MMRN1: variants seen among roughly 807,000 people sequenced by gnomAD.
MMRN1 encodes the protein multimerin-1.
MMRN1 carries 94 observed loss-of-function variants against 100.7 expected under a neutral mutation model. That is an observed-to-expected ratio of 0.93 (90% CI 0.79 to 1.11). MMRN1 has a LOEUF of 1.11. Ranked by LOEUF, MMRN1 falls within the 50% of genes least tolerant of loss-of-function variation. The pLI is 0.00. For synonymous variants in MMRN1, 575 were observed against 505.0 expected (o/e 1.14, Z -1.86); for missense variants, 1,606 against 1,439.1 (o/e 1.12, Z -1.88).
Position 89,935,894 on chromosome 4 carries a change from T to A in MMRN1, c.2214T>A (p.Ala738=), listed in dbSNP as rs1722613291. 1 of 1,609,270 alleles carries A rather than the reference T, an allele frequency of 6.2e-7. No homozygotes were observed. Among genetic ancestry groups the A allele is most frequent in the Admixed American group, 1.7e-5 (1 of 59,424 alleles). The change falls in exon 6 of 8, where the codon GCT becomes GCA. Residue 738 remains alanine, a synonymous_variant. Coordinates refer to ENST00000264790, the MANE Select transcript of MMRN1 (RefSeq NM_007351.3). ...AGACAATGACTATTATAAATAATGC[T>A]ATTGATTTCATTCAAGATAACTATG... ...LNKTMTIINN[A]IDFIQDNYAL...
At chr4:89,919,485 G>A (rs774357749) in intron 3 of MMRN1, among the ~76,000 whole-genome samples, 4 of 151,424 alleles carry the variant, frequency 2.6e-5, no homozygotes, top group East Asian at 1.9e-4. Context: ...TGAATCCAAC[G>A]TTTACCTAGC....
At chr4:89,952,710 T>C (rs1723218352) in intron 7 of MMRN1, among the ~76,000 whole-genome samples, 1 of 152,152 alleles carries the variant, frequency 6.6e-6, no homozygotes, top group Non-Finnish European at 1.5e-5. Flanking sequence ...CAAAGCAACA[T>C]GCAAATTATC....
intron 1 of MMRN1, among the ~76,000 whole-genome samples, chr4:89,906,014 G>A (rs909617799): frequency 3.3e-5 from 5 of 151,176 alleles, no homozygotes; most frequent in African/African-American, 1.2e-4. Flanking sequence ...TTATTTCTTG[G>A]GAAAATATTC....
At chr4:89,927,749 T>C (rs1227699852) in intron 4 of MMRN1, 46 bp from the exon 5 acceptor site, 2 of 1,561,446 alleles carry the variant, frequency 1.3e-6, no homozygotes, top group Non-Finnish European at 1.7e-6. Context: ...CAACTATGGG[T>C]CAAAATATAT....
chr4:89,905,848 C>G (rs986478320), intron 1 of MMRN1, among the ~76,000 whole-genome samples: 2 of 151,440 alleles, frequency 1.3e-5, no homozygotes, highest in Non-Finnish European at 3.0e-5. Context: ...ATCCTCAGGA[C>G]TTGGTATTTT....
intron 1 of MMRN1, among the ~76,000 whole-genome samples, chr4:89,885,804 G>T (rs1465878186): frequency 3.3e-5 from 5 of 151,774 alleles, no homozygotes; most frequent in Admixed American, 2.0e-4. Flanking sequence ...CTTGCTAACG[G>T]TCAATTAATC....
Position 89,934,021 on chromosome 4 carries a change from T to C in MMRN1, c.1130-789T>C, listed in dbSNP as rs555707181. Among the ~76,000 whole-genome samples, 9 of 152,220 alleles carry C rather than the reference T, an allele frequency of 5.9e-5. 1 individual carries two copies. The South Asian group carries it at 1.7e-3, about 28-fold the overall frequency. Reference sequence around the variant, plus strand: ...TGAATAGTCCAGTACACTTTTCCTGTTCCTTTTTTTCATGCTACATTTAGA... The same window carrying C: ...TGAATAGTCCAGTACACTTTTCCTGCTCCTTTTTTTCATGCTACATTTAGA... On this transcript the variant is annotated intron_variant, in intron 5 of 7. Transcript: ENST00000264790.
chr4:89,893,533 TAATAATC>T (rs1721102539), upstream of MMRN1, among the ~76,000 whole-genome samples: 4 of 152,178 alleles, frequency 2.6e-5, no homozygotes, highest in South Asian at 4.1e-4. Context: ...AGACGGAACT[TAATAATC>T]TAATAACAAA....
intron 4 of MMRN1, among the ~76,000 whole-genome samples, chr4:89,924,672 G>A (rs1027017471): frequency 3.3e-5 from 5 of 151,646 alleles, no homozygotes; most frequent in African/African-American, 4.8e-5. Context: ...GTGAAACCCC[G>A]TCTCTACTAA....
At chr4:89,944,244 T>C (rs564252772) in intron 6 of MMRN1, among the ~76,000 whole-genome samples, 42 of 152,318 alleles carry the variant, frequency 2.8e-4, no homozygotes, top group African/African-American at 9.9e-4. Context: ...TGTGACCATC[T>C]CTAATCTTAT....
Position 89,935,627 on chromosome 4 carries a change from TC to T in MMRN1, c.1948del (p.Gln650AsnfsTer14). Reference protein sequence around the residue: ...NDLTYDMEILQPLLEQGASLR... With the variant: ...NDLTYDMEILXPLLEQGASLR... Reference sequence around the variant, plus strand: ...ATTTGACTTATGATATGGAGATCCTTCAACCCTTGCTTGAGCAGGGAGCATC... The same window carrying T: ...ATTTGACTTATGATATGGAGATCCTTAACCCTTGCTTGAGCAGGGAGCATC... On this transcript the variant is annotated frameshift_variant, in exon 6 of 8. Transcript: ENST00000264790. LOFTEE classifies it high-confidence loss of function. The T allele has an allele frequency of 6.2e-7, 1 of 1,613,546 alleles. No individual in the cohort carries two copies. Among genetic ancestry groups the T allele is most frequent in the Non-Finnish European group, 8.5e-7 (1 of 1,179,748 alleles).
chr4:89,889,419 A>G (rs1721002319), intron 1 of MMRN1, among the ~76,000 whole-genome samples: 1 of 152,154 alleles, frequency 6.6e-6, no homozygotes, highest in Non-Finnish European at 1.5e-5. Context: ...TAAGGTCCCC[A>G]GCCCAGTATC....
chr4:89,914,971 G>T (rs79847356), intron 3 of MMRN1, among the ~76,000 whole-genome samples: 102 of 151,640 alleles, frequency 6.7e-4, no homozygotes, highest in African/African-American at 2.4e-3. Flanking sequence ...TAGGAAAAAG[G>T]TATCTTATAA....
At chr4:89,943,028 G>A (rs1426872612) in intron 6 of MMRN1, among the ~76,000 whole-genome samples, 2 of 152,104 alleles carry the variant, frequency 1.3e-5, no homozygotes, top group Non-Finnish European at 2.9e-5. Context: ...GTGTGGGTGA[G>A]CAGAGCCAGG....
chr4:89,951,312 G>C (rs543905836), intron 6 of MMRN1: 1 of 254,924 alleles, frequency 3.9e-6, no homozygotes, highest in African/African-American at 2.2e-5. Context: ...TACATGATTT[G>C]TATTGAGATA....
intron 3 of MMRN1, among the ~76,000 whole-genome samples, chr4:89,918,759 T>G (rs1009033912): frequency 6.6e-6 from 1 of 151,884 alleles, no homozygotes; most frequent in African/African-American, 2.4e-5. Flanking sequence ...GGTTTACTTT[T>G]TCACTATTAT....
intron 1 of MMRN1, among the ~76,000 whole-genome samples, chr4:89,883,385 C>A (rs1020632109): frequency 6.6e-6 from 1 of 152,042 alleles, no homozygotes; most frequent in Non-Finnish European, 1.5e-5. Context: ...TCACTCCACT[C>A]CCATCCAACA....
intron 1 of MMRN1, among the ~76,000 whole-genome samples, chr4:89,886,215 A>G (rs1720934506): frequency 6.6e-6 from 1 of 151,924 alleles, no homozygotes. Flanking sequence ...TAAGATAGGT[A>G]TTTCAAGTGA....
At chr4:89,880,265 C>T (rs914339042) in intron 1 of MMRN1, among the ~76,000 whole-genome samples, 1 of 152,048 alleles carries the variant, frequency 6.6e-6, no homozygotes, top group Non-Finnish European at 1.5e-5. Flanking sequence ...CTCTCAGCTG[C>T]CATATCTTGG....
Sources: gnomAD v4.1 joint callset for allele counts (sites outside exome capture counted in the v4.1 genomes callset) on GRCh38, gnomAD v4.1.1 for gene constraint, MANE v1.5 for transcripts, NCBI Gene and HGNC (gene_info 2026-07-23, HGNC 2026-07-21) for gene names.